The following HTR4 variants were observed in gnomAD, a reference collection of about 807,000 sequenced individuals.
HTR4 encodes 5-hydroxytryptamine (serotonin) receptor 4, G protein-coupled.
HTR4 carries 16 observed loss-of-function variants against 36.8 expected under a neutral mutation model. The ratio of observed to expected loss-of-function variants is 0.43; its 90% CI spans 0.29 to 0.66. The LOEUF (loss-of-function observed/expected upper bound fraction) is 0.66, where lower values mean the gene tolerates loss of function less well. HTR4 is among the 30% of genes least tolerant of loss of function. HTR4 has a pLI of 0.13. For synonymous variants in HTR4, 189 were observed against 185.1 expected (o/e 1.02, Z -0.17); for missense variants, 438 against 490.9 (o/e 0.89, Z 1.02).
chr5:148,621,289 C>T (rs1461892732), intron 2 of HTR4, among the ~76,000 whole-genome samples: 1 of 152,152 alleles, frequency 6.6e-6, no homozygotes, highest in Non-Finnish European at 1.5e-5. Context: ...GACAGAGAGT[C>T]AAAAGTAAGC....
intron 6 of HTR4, among the ~76,000 whole-genome samples, chr5:148,494,270 G>A (rs561914511): frequency 6.6e-6 from 1 of 152,310 alleles, no homozygotes; most frequent in Admixed American, 6.5e-5. Flanking sequence ...GCACCATGGG[G>A]AAATTTTAGG....
At position 148,654,413 on chromosome 5, in the gene HTR4, G is replaced by A. The variant is rs1253029657; in HGVS notation, c.-399C>T. The stretch of plus-strand genomic sequence containing the variant: ...CCACTGGGCGCCAGGGACAGCGGGG[G>A]TGCCGCTCTGCCGGCAGGGCGCACA... On this transcript the variant is annotated 5_prime_UTR_variant, in exon 1 of 7. Coordinates refer to ENST00000377888, the MANE Select transcript of HTR4 (RefSeq NM_000870.7). The A allele has an allele frequency of 1.0e-6, 1 of 985,500 alleles. No individual in the cohort carries two copies. The highest frequency in any genetic ancestry group is 4.7e-5 in the South Asian group (1 of 21,288). The allele number at this position is 985,500 out of a possible 1,614,324, so 61.0% of individuals were successfully genotyped here.
chr5:148,459,445 T>A (rs1755209238), intron 5 of HTR4, among the ~76,000 whole-genome samples: 1 of 152,058 alleles, frequency 6.6e-6, no homozygotes, highest in South Asian at 2.1e-4. Context: ...CTATGAGAAT[T>A]TTATCTAGCC....
At chr5:148,472,161 G>A (rs538559326), downstream of HTR4, among the ~76,000 whole-genome samples, 79 of 152,286 alleles carry the variant, frequency 5.2e-4, no homozygotes, top group African/African-American at 1.8e-3. Flanking sequence ...AACCACAGAA[G>A]GTGGCAATAC....
intron 2 of HTR4, among the ~76,000 whole-genome samples, chr5:148,593,131 A>T (rs1761637465): frequency 6.6e-6 from 1 of 152,072 alleles, no homozygotes. Context: ...TCTGATTCTG[A>T]CTCAAAGCAG....
At chr5:148,481,379 T>A, downstream of HTR4, 1 of 604,174 alleles carries the variant, frequency 1.7e-6, no homozygotes, top group Non-Finnish European at 2.9e-6. Flanking sequence ...ATCTGCTTCA[T>A]TGATCAGGGA....
intron 1 of HTR4, among the ~76,000 whole-genome samples, chr5:148,648,783 T>C (rs1297885711): frequency 2.0e-5 from 3 of 152,150 alleles, no homozygotes; most frequent in African/African-American, 4.8e-5. Flanking sequence ...ATTCTCTTTC[T>C]TGAGAGTCTG....
chr5:148,600,976 C>CAAAAA (rs58003522), intron 2 of HTR4, among the ~76,000 whole-genome samples: 29 of 13,550 alleles, frequency 2.1e-3, no homozygotes, highest in African/African-American at 3.5e-3. Context: ...AACTCAATAG[C>CAAAAA]AAAAAAAAAA....
chr5:148,510,754 G>A (rs997857927), intron 5 of HTR4, among the ~76,000 whole-genome samples: 2 of 152,174 alleles, frequency 1.3e-5, no homozygotes, highest in African/African-American at 2.4e-5. Flanking sequence ...ATTTCTCTAC[G>A]TATTGAGTTC....
chr5:148,490,839 T>C (rs1348716769), intron 6 of HTR4: 1 of 553,906 alleles, frequency 1.8e-6, no homozygotes, highest in Admixed American at 2.3e-5. Flanking sequence ...CTGTTTCCTC[T>C]AACAGCCCTT....
rs563629616 is a variant in HTR4, at chr5:148,456,001, G to A, written c.1077-4729C>T. On this transcript the variant is annotated intron_variant, in intron 5 of 5. Transcript: ENST00000521530. ...GCTGAAGAAAATCCATGCGTAAGTG[G>A]ACCCAGACGGTTCAAACCCACGTTG... Among the ~76,000 whole-genome samples, 112 of 152,112 alleles carry A rather than the reference G, an allele frequency of 7.4e-4. 1 individual carries two copies. Among genetic ancestry groups the A allele is most frequent in the African/African-American group, 2.6e-3 (107 of 41,470 alleles).
chr5:148,582,392 A>G (rs1393868499), intron 2 of HTR4, among the ~76,000 whole-genome samples: 1 of 151,810 alleles, frequency 6.6e-6, no homozygotes, highest in Non-Finnish European at 1.5e-5. Flanking sequence ...GATTGATCTC[A>G]TTACCCTGAT....
chr5:148,580,892 G>T (rs1369253780), intron 2 of HTR4, among the ~76,000 whole-genome samples: 1 of 152,046 alleles, frequency 6.6e-6, no homozygotes, highest in East Asian at 1.9e-4. Context: ...CCAGAATTGA[G>T]ATTGCTAGAT....
chr5:148,617,032 G>A (rs533886959), intron 2 of HTR4, among the ~76,000 whole-genome samples: 1 of 152,216 alleles, frequency 6.6e-6, no homozygotes, highest in South Asian at 2.1e-4. Flanking sequence ...TTTCCATTTT[G>A]ATATGGTTTG....
downstream of HTR4, among the ~76,000 whole-genome samples, chr5:148,473,444 A>G: frequency 6.6e-6 from 1 of 152,230 alleles, no homozygotes; most frequent in Non-Finnish European, 1.5e-5. Context: ...GGAAAATAAA[A>G]AATGACTTCC....
At chr5:148,541,570 C>T (rs1009060042) in intron 4 of HTR4, among the ~76,000 whole-genome samples, 22 of 151,934 alleles carry the variant, frequency 1.4e-4, no homozygotes, top group Admixed American at 8.5e-4. Context: ...TTGGAGAAGG[C>T]GACACATGTT....
chr5:148,586,421 G>A (rs186958885), intron 2 of HTR4, among the ~76,000 whole-genome samples: 182 of 151,706 alleles, frequency 1.2e-3, no homozygotes, highest in South Asian at 4.2e-4. Flanking sequence ...AAAGTTACTC[G>A]AACCCTTTAA....
At chr5:148,523,080 C>A in intron 5 of HTR4, 113 bp downstream of exon 5, 1 of 1,062,044 alleles carries the variant, frequency 9.4e-7, no homozygotes, top group Non-Finnish European at 1.4e-6. Context: ...AAAATTATCA[C>A]CCAGACCACT....
At chr5:148,499,452 A>C (rs1756836822) in intron 6 of HTR4, among the ~76,000 whole-genome samples, 1 of 152,100 alleles carries the variant, frequency 6.6e-6, no homozygotes, top group Non-Finnish European at 1.5e-5. Flanking sequence ...TTTATGATTT[A>C]TATTTTGCCC....
Sources: gnomAD v4.1 joint callset for allele counts (sites outside exome capture counted in the v4.1 genomes callset) on GRCh38, gnomAD v4.1.1 for gene constraint, MANE v1.5 for transcripts, NCBI Gene and HGNC (gene_info 2026-07-23, HGNC 2026-07-21) for gene names.